RIMS1: variants seen among roughly 807,000 people sequenced by gnomAD.
RIMS1 encodes regulating synaptic membrane exocytosis 1.
In RIMS1, 83 loss-of-function variants were observed where a neutral mutation model predicts 214.1. The ratio of observed to expected loss-of-function variants is 0.39; its 90% CI spans 0.32 to 0.47. The LOEUF (loss-of-function observed/expected upper bound fraction) is 0.47, where lower values mean the gene tolerates loss of function less well. Ranked by LOEUF, RIMS1 falls within the 20% of genes least tolerant of loss-of-function variation. RIMS1 has a pLI of 0.99. For missense variants in RIMS1, 2,050 were observed against 2,161.8 expected (o/e 0.95, Z 1.03); for synonymous variants, 793 against 786.8 (o/e 1.01, Z -0.13).
At position 72,333,736 on chromosome 6, in the gene RIMS1, G is replaced by A. The variant is rs755848328; in HGVS notation, c.4267G>A (p.Val1423Ile). ...CCAGTCAGACACAGCTGTGGGTACA[G>A]TTGGAGCAGGTGGAAAGAAACGGAG... ...GSQSDTAVGTVGAGGKKRRSS... is the reference protein window; with the variant it reads ...GSQSDTAVGTIGAGGKKRRSS... The change falls in exon 29 of 34, where the codon GTT becomes ATT. Residue 1423 changes from valine (V) to isoleucine (I), a missense_variant. Around this residue, in one of 6 missense-constraint regions of RIMS1, gnomAD observed 889 missense variants for 885.5 expected, o/e 1.00. Coordinates refer to ENST00000521978, the MANE Select transcript of RIMS1 (RefSeq NM_014989.7). The A allele has an allele frequency of 8.8e-6, 14 of 1,599,208 alleles. No individual in the cohort carries two copies. The African/African-American group carries it at 1.9e-4, about 21-fold the overall frequency.
chr6:71,902,330 T>C (rs925005025), intron 1 of RIMS1, among the ~76,000 whole-genome samples: 2 of 151,992 alleles, frequency 1.3e-5, no homozygotes, highest in Non-Finnish European at 2.9e-5. Context: ...AGCAAGACAA[T>C]TGATTACTGA....
chr6:71,960,324 G>A (rs905707017), intron 1 of RIMS1, among the ~76,000 whole-genome samples: 2 of 152,108 alleles, frequency 1.3e-5, no homozygotes, highest in African/African-American at 4.8e-5. Flanking sequence ...GGGCACATAA[G>A]TTAGCTGTGA....
At chr6:72,064,291 C>T (rs1828692472) in intron 2 of RIMS1, among the ~76,000 whole-genome samples, 1 of 151,116 alleles carries the variant, frequency 6.6e-6, no homozygotes, top group South Asian at 2.1e-4. Context: ...GCACTCCAGC[C>T]TGGGCAACAA....
intron 2 of RIMS1, among the ~76,000 whole-genome samples, chr6:72,003,834 G>T (rs886913212): frequency 6.6e-6 from 1 of 151,132 alleles, no homozygotes; most frequent in Non-Finnish European, 1.5e-5. Context: ...TGAGGCTAAA[G>T]ATCATTTTTC....
At chr6:72,114,640 A>C (rs2036722363) in intron 4 of RIMS1, among the ~76,000 whole-genome samples, 1 of 151,970 alleles carries the variant, frequency 6.6e-6, no homozygotes, top group Non-Finnish European at 1.5e-5. Context: ...TGCTGAAAGT[A>C]TAGTAAGCAC....
intron 2 of RIMS1, among the ~76,000 whole-genome samples, chr6:72,034,439 T>C (rs1819012333): frequency 6.6e-6 from 1 of 152,056 alleles, no homozygotes; most frequent in African/African-American, 2.4e-5. Context: ...AAGACCTGAG[T>C]TTTTTTAATC....
chr6:72,056,191 T>C (rs1387314974), intron 2 of RIMS1, among the ~76,000 whole-genome samples: 1 of 152,042 alleles, frequency 6.6e-6, no homozygotes, highest in African/African-American at 2.4e-5. Context: ...TTTTCTCCCT[T>C]ACAAGTGGGA....
chr6:72,260,834 G>A (rs552966583), intron 19 of RIMS1, 67 bp downstream of exon 19: 99 of 1,583,332 alleles, frequency 6.3e-5, no homozygotes, highest in South Asian at 6.1e-4. Flanking sequence ...TTATTCTTCC[G>A]TCTCTCCCTT....
intron 4 of RIMS1, among the ~76,000 whole-genome samples, chr6:72,148,931 A>G (rs968060993): frequency 2.0e-5 from 3 of 152,054 alleles, no homozygotes; most frequent in Non-Finnish European, 2.9e-5. Flanking sequence ...GCCTCCTCAA[A>G]TAAGGGAGAG....
intron 26 of RIMS1, among the ~76,000 whole-genome samples, chr6:72,294,964 C>T (rs1401888558): frequency 2.0e-5 from 3 of 151,624 alleles, no homozygotes; most frequent in African/African-American, 7.2e-5. Flanking sequence ...CAAAATTTTT[C>T]TGGTTATATT....
At chr6:72,018,592 C>T (rs1417601962) in intron 2 of RIMS1, among the ~76,000 whole-genome samples, 3 of 152,090 alleles carry the variant, frequency 2.0e-5, no homozygotes, top group Admixed American at 6.6e-5. Flanking sequence ...CATTTAAAGC[C>T]ATGGGCTGGG....
chr6:72,144,686 A>T (rs1475622956), intron 4 of RIMS1, among the ~76,000 whole-genome samples: 1 of 151,788 alleles, frequency 6.6e-6, no homozygotes, highest in Non-Finnish European at 1.5e-5. Flanking sequence ...CAGGATTTGC[A>T]GGATAATTGC....
At chr6:72,249,711 C>A (rs2072182625) in intron 12 of RIMS1, among the ~76,000 whole-genome samples, 1 of 152,012 alleles carries the variant, frequency 6.6e-6, no homozygotes, top group African/African-American at 2.4e-5. Context: ...TTTGAGGCTG[C>A]AGTGAGCTAT....
intron 1 of RIMS1, among the ~76,000 whole-genome samples, chr6:71,926,877 G>A (rs185182114): frequency 2.0e-5 from 3 of 152,060 alleles, no homozygotes; most frequent in East Asian, 1.9e-4. Flanking sequence ...GGCATTGTGC[G>A]GGGTGTAGAA....
chr6:71,927,542 C>T (rs900638726), intron 1 of RIMS1, among the ~76,000 whole-genome samples: 12 of 152,066 alleles, frequency 7.9e-5, no homozygotes, highest in Non-Finnish European at 1.5e-4. Flanking sequence ...CAAGGGCATA[C>T]AGTATGAAAT....
intron 29 of RIMS1, among the ~76,000 whole-genome samples, chr6:72,387,962 T>C (rs1190080711): frequency 6.6e-6 from 1 of 152,200 alleles, no homozygotes; most frequent in East Asian, 1.9e-4. Context: ...TATACCTGTT[T>C]GTGTTACATT....
intron 28 of RIMS1, chr6:72,317,158 G>GC: frequency 2.9e-6 from 1 of 343,606 alleles, no homozygotes; most frequent in South Asian, 3.1e-5. Flanking sequence ...CGACCAGGGT[G>GC]CCCCCTCCCC....
At chr6:72,080,755 GC>G (rs1833171812) in intron 2 of RIMS1, among the ~76,000 whole-genome samples, 1 of 152,092 alleles carries the variant, frequency 6.6e-6, no homozygotes, top group African/African-American at 2.4e-5. Flanking sequence ...CCTCTGCCAA[GC>G]CCCTCTCTCT....
At chr6:71,978,537 C>A (rs925509089) in intron 2 of RIMS1, among the ~76,000 whole-genome samples, 1 of 151,884 alleles carries the variant, frequency 6.6e-6, no homozygotes, top group South Asian at 2.1e-4. Context: ...AAATATTGCA[C>A]CTTTTAAAAA....
Sources: allele counts gnomAD v4.1 joint callset (sites outside exome capture counted in the v4.1 genomes callset), GRCh38; gene constraint gnomAD v4.1.1; regional missense constraint gnomAD v4.1.1; transcripts MANE v1.5; gene names NCBI Gene and HGNC (gene_info 2026-07-23, HGNC 2026-07-21).